The following PDGFC variants were observed in gnomAD, a reference collection of about 807,000 sequenced individuals.
PDGFC encodes platelet-derived growth factor C.
A neutral mutation model predicts 35.5 loss-of-function variants in PDGFC; 12 were observed. The ratio of observed to expected loss-of-function variants is 0.34; its 90% CI spans 0.22 to 0.55. The LOEUF is 0.55. PDGFC is among the 20% of genes least tolerant of loss of function. The pLI, the probability that PDGFC is intolerant of heterozygous loss-of-function variation, is 0.91. For synonymous variants in PDGFC, 159 were observed against 148.8 expected, an observed-to-expected ratio of 1.07 and a Z score of -0.50; for missense variants, 322 against 412.4, an observed-to-expected ratio of 0.78 and a Z score of 1.90.
At chr4:156,863,511 A>G (rs926896147) in intron 1 of PDGFC, among the ~76,000 whole-genome samples, 1 of 152,160 alleles carries the variant, frequency 6.6e-6, no homozygotes, top group African/African-American at 2.4e-5. Flanking sequence ...AAAATAGGTA[A>G]AACAACAAAA....
At chr4:156,780,103 T>C (rs535228191) in intron 3 of PDGFC, among the ~76,000 whole-genome samples, 8 of 137,662 alleles carry the variant, frequency 5.8e-5, no homozygotes, top group African/African-American at 2.3e-4. Context: ...AAGCCAAAAT[T>C]AAGGTTTTTT....
At chr4:156,810,548 T>G (rs1179483123) in intron 3 of PDGFC, among the ~76,000 whole-genome samples, 1 of 152,040 alleles carries the variant, frequency 6.6e-6, no homozygotes, top group Non-Finnish European at 1.5e-5. Context: ...CTTTATTTAA[T>G]CAGTTGTCTA....
rs1469918680 is a variant in PDGFC at position 156,772,906 on chromosome 4, T to C, written c.496-13A>G. The C allele has an allele frequency of 3.2e-6, 5 of 1,584,036 alleles. No individual in the cohort carries two copies. Among genetic ancestry groups the C allele is most frequent in the Non-Finnish European group, 4.3e-6 (5 of 1,153,228 alleles). On this transcript the variant is annotated splice_polypyrimidine_tract_variant and intron_variant, in intron 3 of 5. Transcript: ENST00000502773. ...CTTCTGTGAATTGCTGAAAGTAAAATGAATCCTGTGTTAACTGTTTTAAAA... is the reference window on the plus strand; with the variant it reads ...CTTCTGTGAATTGCTGAAAGTAAAACGAATCCTGTGTTAACTGTTTTAAAA...
intron 2 of PDGFC, among the ~76,000 whole-genome samples, chr4:156,836,223 T>C (rs1367343491): frequency 1.3e-5 from 2 of 152,254 alleles, no homozygotes; most frequent in East Asian, 3.9e-4. Flanking sequence ...GTCTCACCAA[T>C]TGTTCTTAAG....
In PDGFC at chr4:156,851,930, C is replaced by CAAAAAAAAAAA. The variant is rs61505882; in HGVS notation, c.119-1525_119-1515dup. Among the ~76,000 whole-genome samples the CAAAAAAAAAAA allele has an allele frequency of 5.7e-3, 272 of 47,832 alleles. 13 individuals carry two copies. Among genetic ancestry groups the CAAAAAAAAAAA allele is most frequent in the African/African-American group, 6.3e-3 (95 of 15,062 alleles). The allele number at this position is 47,832 out of a possible 152,430, so 31.4% of individuals were successfully genotyped here. A position where few individuals can be genotyped will look rare whatever the true frequency, so the allele number is the denominator to read the frequency against. Reference sequence around the variant, plus strand: ...TGGGCGACAGAATGAGACTCCATCTCAAAAAAAAAAAAAAAAAAAAAAAAA... The same window carrying CAAAAAAAAAAA: ...TGGGCGACAGAATGAGACTCCATCTCAAAAAAAAAAAAAAAAAAAAAAAAAAAAAAAAAAAA... On this transcript the variant is annotated intron_variant, in intron 1 of 5. Coordinates refer to ENST00000502773, the MANE Select transcript of PDGFC (RefSeq NM_016205.3).
chr4:156,820,968 T>A (rs572885868), intron 2 of PDGFC, among the ~76,000 whole-genome samples: 2 of 152,260 alleles, frequency 1.3e-5, no homozygotes, highest in South Asian at 4.1e-4. Context: ...GCTGTTTTAG[T>A]AACAGAATAA....
intron 1 of PDGFC, among the ~76,000 whole-genome samples, chr4:156,911,173 T>C (rs1285764235): frequency 6.6e-6 from 1 of 152,132 alleles, no homozygotes; most frequent in Non-Finnish European, 1.5e-5. Context: ...AAATTGAACT[T>C]GCATGTTAAT....
intron 1 of PDGFC, among the ~76,000 whole-genome samples, chr4:156,969,189 G>T (rs915142725): frequency 6.6e-6 from 1 of 152,220 alleles, no homozygotes; most frequent in African/African-American, 2.4e-5. Context: ...TTATGGAGGA[G>T]CTTGGCTAGT....
At chr4:156,842,671 T>G (rs1729233906) in intron 2 of PDGFC, among the ~76,000 whole-genome samples, 1 of 152,094 alleles carries the variant, frequency 6.6e-6, no homozygotes, top group South Asian at 2.1e-4. Context: ...CTCTCTACCA[T>G]TACACACCCA....
At chr4:156,924,226 G>A (rs2110852502) in intron 1 of PDGFC, among the ~76,000 whole-genome samples, 1 of 152,248 alleles carries the variant, frequency 6.6e-6, no homozygotes, top group African/African-American at 2.4e-5. Context: ...TTATTCGTGG[G>A]CAGCCGAATA....
In PDGFC at chr4:156,889,393, G is replaced by T. The variant is rs1730450549; in HGVS notation, c.119-38977C>A. On this transcript the variant is annotated intron_variant, in intron 1 of 5. Coordinates refer to ENST00000502773, the MANE Select transcript of PDGFC (RefSeq NM_016205.3). ...ATCTTCATATTAATAATTTCCCAAG[G>T]TTAATGAAAAAGAACAGAAATTATT... is the stretch of plus-strand genomic sequence containing the variant. Among the ~76,000 whole-genome samples the T allele has an allele frequency of 2.0e-5, 3 of 152,008 alleles. No homozygotes were observed. In the South Asian group the frequency reaches 6.2e-4, roughly 32 times the overall value.
At chr4:156,870,961 A>C (rs1354886186) in intron 1 of PDGFC, among the ~76,000 whole-genome samples, 1 of 152,152 alleles carries the variant, frequency 6.6e-6, no homozygotes, top group African/African-American at 2.4e-5. Flanking sequence ...AAAACATTGA[A>C]TGCTGAGTGG....
At chr4:156,807,121 T>A (rs544178916) in intron 3 of PDGFC, among the ~76,000 whole-genome samples, 1 of 152,060 alleles carries the variant, frequency 6.6e-6, no homozygotes, top group Non-Finnish European at 1.5e-5. Context: ...TGGCATCAAT[T>A]TGCAGAAATT....
At chr4:156,873,797 A>G (rs1383200311) in intron 1 of PDGFC, 1 of 152,204 alleles carries the variant, frequency 6.6e-6, no homozygotes, top group Non-Finnish European at 1.5e-5. Flanking sequence ...AATTCACAGC[A>G]TTTGCTGGAA....
intron 1 of PDGFC, among the ~76,000 whole-genome samples, chr4:156,870,360 T>C (rs1729950668): frequency 6.6e-6 from 1 of 152,148 alleles, no homozygotes; most frequent in South Asian, 2.1e-4. Context: ...CTTAAAGTGT[T>C]TCAAAACAGA....
chr4:156,963,420 G>A (rs1162627967), intron 1 of PDGFC, among the ~76,000 whole-genome samples: 2 of 152,016 alleles, frequency 1.3e-5, no homozygotes, highest in Non-Finnish European at 2.9e-5. Flanking sequence ...GCAGTGAGCT[G>A]TGATCATACC....
At chr4:156,911,201 G>C (rs1731030963) in intron 1 of PDGFC, among the ~76,000 whole-genome samples, 2 of 151,996 alleles carry the variant, frequency 1.3e-5, no homozygotes, top group African/African-American at 4.8e-5. Context: ...ATTCAATGAA[G>C]AATTGCATTT....
At chr4:156,819,095 G>T (rs1383560170) in intron 2 of PDGFC, among the ~76,000 whole-genome samples, 1 of 152,202 alleles carries the variant, frequency 6.6e-6, no homozygotes, top group Non-Finnish European at 1.5e-5. Flanking sequence ...CAGAAGAAAA[G>T]TTGGAAGCTA....
At chr4:156,773,431 C>T (rs1730740684) in intron 3 of PDGFC, among the ~76,000 whole-genome samples, 1 of 151,984 alleles carries the variant, frequency 6.6e-6, no homozygotes, top group South Asian at 2.1e-4. Context: ...AAATTGCCTA[C>T]AATATATTTT....
Sources: allele counts gnomAD v4.1 joint callset (sites outside exome capture counted in the v4.1 genomes callset), GRCh38; gene constraint gnomAD v4.1.1; transcripts MANE v1.5; gene names NCBI Gene and HGNC (gene_info 2026-07-23, HGNC 2026-07-21).